The following LINGO2 variants were observed in gnomAD, a reference collection of about 807,000 sequenced individuals.
The protein encoded by LINGO2 is leucine rich repeat and Ig domain containing 2.
In LINGO2, 14 loss-of-function variants were observed where a neutral mutation model predicts 30.6. The observed-to-expected ratio is 0.46, with a 90% CI of 0.30 to 0.72. The LOEUF (loss-of-function observed/expected upper bound fraction) is 0.72, where lower values mean the gene tolerates loss of function less well. Among genes scored for constraint, LINGO2 ranks in the 30% least tolerant of loss-of-function variants. The pLI is 0.07. For missense variants in LINGO2, 729 were observed against 751.7 expected, an observed-to-expected ratio of 0.97 and a Z score of 0.35; for synonymous variants, 317 against 288.5, an observed-to-expected ratio of 1.10 and a Z score of -1.00.
At chr9:29,065,226 CTAAT>C in the LINGO2 span, among the ~76,000 whole-genome samples, 22 of 152,132 alleles carry the variant, frequency 1.4e-4, no homozygotes, top group East Asian at 3.9e-3. Context: ...TGTAGGTTGT[CTAAT>C]TATTCTGTTA....
the LINGO2 span, among the ~76,000 whole-genome samples, chr9:28,786,401 T>G: frequency 2.0e-5 from 3 of 152,174 alleles, no homozygotes; most frequent in Non-Finnish European, 4.4e-5. Context: ...TCTGTATTAT[T>G]TATTTTTATA....
In LINGO2 at chr9:28,665,969, T is replaced by A. The variant is rs1828784863; in HGVS notation, c.-365+4231A>T. ...GTGCAATGGCGCGATCTCGGCTCAC[T>A]GCAACCTCCGCCTCTGGGTTCAAGC... On this transcript the variant is annotated intron_variant, in intron 1 of 5. Coordinates refer to ENST00000379992, the Ensembl canonical transcript of LINGO2. Among the ~76,000 whole-genome samples the A allele has an allele frequency of 2.6e-5, 4 of 151,156 alleles. No individual in the cohort carries two copies. In the South Asian group the frequency reaches 8.4e-4, roughly 32 times the overall value.
At chr9:27,938,806 T>C in the LINGO2 span, 1 of 152,186 alleles carries the variant, frequency 6.6e-6, no homozygotes, top group African/African-American at 2.4e-5. Flanking sequence ...ACTATGATAA[T>C]GGATACTCAG....
chr9:28,537,038 G>A (rs2135447420), intron 1 of LINGO2, among the ~76,000 whole-genome samples: 1 of 151,938 alleles, frequency 6.6e-6, no homozygotes, highest in African/African-American at 2.4e-5. Flanking sequence ...AATAAACATA[G>A]GCATGCACAC....
Position 28,016,511 on chromosome 9 carries a change from T to C in LINGO2, c.-86-4106A>G, listed in dbSNP as rs188794930. 2.0e-5 allele frequency among the ~76,000 whole-genome samples: 3 copies of C among 151,708 alleles called. No homozygotes were observed. The East Asian group carries it at 5.8e-4, about 29-fold the overall frequency. ...AAGTTCTTATAGTAAAAGACAAATT[T>C]CCCACAGAAATAATAAAAACCCCTA... On this transcript the variant is annotated intron_variant, in intron 4 of 5. Coordinates refer to ENST00000379992, the Ensembl canonical transcript of LINGO2.
chr9:28,491,370 C>A (rs1826389280), intron 1 of LINGO2, among the ~76,000 whole-genome samples: 1 of 152,138 alleles, frequency 6.6e-6, no homozygotes, highest in Admixed American at 6.5e-5. Context: ...AGGACCCTTG[C>A]CATTCCATCA....
chr9:29,098,565 C>T, the LINGO2 span, among the ~76,000 whole-genome samples: 2 of 151,894 alleles, frequency 1.3e-5, no homozygotes, highest in Admixed American at 6.6e-5. Context: ...ATGTGGAAGT[C>T]CCTGAGACGT....
the LINGO2 span, among the ~76,000 whole-genome samples, chr9:28,933,944 C>G: frequency 6.6e-6 from 1 of 152,106 alleles, no homozygotes; most frequent in Non-Finnish European, 1.5e-5. Context: ...ATGATCTATT[C>G]CTAAAATAAA....
the LINGO2 span, among the ~76,000 whole-genome samples, chr9:28,993,888 A>G: frequency 3.3e-5 from 5 of 152,128 alleles, no homozygotes; most frequent in East Asian, 9.6e-4. Context: ...AGAGCTATCT[A>G]TGACAGACCC....
intron 1 of LINGO2, among the ~76,000 whole-genome samples, chr9:28,545,903 T>C (rs1437602473): frequency 6.6e-6 from 1 of 152,076 alleles, no homozygotes; most frequent in Non-Finnish European, 1.5e-5. Flanking sequence ...TTAAATTGTA[T>C]CTGTCTGGTT....
At chr9:28,676,636 T>G in the LINGO2 span, among the ~76,000 whole-genome samples, 8 of 152,048 alleles carry the variant, frequency 5.3e-5, no homozygotes, top group Non-Finnish European at 7.4e-5. Context: ...GGTGGTGGTG[T>G]TGGTGGTGGT....
At chr9:29,199,918 T>C in the LINGO2 span, among the ~76,000 whole-genome samples, 5 of 151,730 alleles carry the variant, frequency 3.3e-5, no homozygotes, top group Non-Finnish European at 5.9e-5. Flanking sequence ...TTTCAGTGAA[T>C]GGTAAACAGG....
intron 2 of LINGO2, among the ~76,000 whole-genome samples, chr9:28,392,222 A>G (rs1821868891): frequency 6.6e-6 from 1 of 152,176 alleles, no homozygotes; most frequent in Non-Finnish European, 1.5e-5. Context: ...AAACAAAAAT[A>G]AACACCTTGA....
chr9:28,003,362 GAT>G (rs1223034095), intron 5 of LINGO2, among the ~76,000 whole-genome samples: 28 of 145,612 alleles, frequency 1.9e-4, no homozygotes, highest in Admixed American at 2.7e-4. Flanking sequence ...TAGATAGATA[GAT>G]AGATAGATAG....
chr9:28,830,757 TAC>T, the LINGO2 span, among the ~76,000 whole-genome samples: 24 of 151,246 alleles, frequency 1.6e-4, no homozygotes, highest in East Asian at 2.6e-3. Flanking sequence ...CTTGCCCCTA[TAC>T]ACACACACAC....
At chr9:28,608,528 G>A (rs62560672) in intron 1 of LINGO2, among the ~76,000 whole-genome samples, 5,553 of 152,052 alleles carry the variant, frequency 0.037, 130 homozygotes, top group African/African-American at 0.049. Flanking sequence ...ATAGCAGAAG[G>A]TTCTGCTTTT....
intron 1 of LINGO2, among the ~76,000 whole-genome samples, chr9:28,659,144 T>C (rs1285292113): frequency 6.6e-6 from 1 of 152,064 alleles, no homozygotes; most frequent in Non-Finnish European, 1.5e-5. Flanking sequence ...ACAGTGGAAA[T>C]ATAGCACTGA....
chr9:28,312,828 G>T (rs954377867), intron 3 of LINGO2, among the ~76,000 whole-genome samples: 1 of 152,114 alleles, frequency 6.6e-6, no homozygotes, highest in African/African-American at 2.4e-5. Flanking sequence ...AGATTTCACA[G>T]CAGAAATCAC....
chr9:29,102,875 T>C, the LINGO2 span, among the ~76,000 whole-genome samples: 21 of 152,256 alleles, frequency 1.4e-4, no homozygotes, highest in South Asian at 3.3e-3. Flanking sequence ...GCATTCTCTC[T>C]ACTTCCACAA....
Sources: allele counts gnomAD v4.1 joint callset (sites outside exome capture counted in the v4.1 genomes callset), GRCh38; gene constraint gnomAD v4.1.1; transcripts MANE v1.5; gene names NCBI Gene and HGNC (gene_info 2026-07-23, HGNC 2026-07-21).